The following REEP3 variants were observed in gnomAD, a reference collection of about 807,000 sequenced individuals.
REEP3 encodes the protein receptor accessory protein 3.
In REEP3, 20 loss-of-function variants were observed where a neutral mutation model predicts 41.3. That is an observed-to-expected ratio of 0.48 (90% CI 0.34 to 0.70). REEP3 has a LOEUF of 0.70. Ranked by LOEUF, REEP3 falls within the 30% of genes least tolerant of loss-of-function variation. The pLI is 0.01. For missense variants in REEP3, 271 were observed against 308.8 expected (o/e 0.88, Z 0.92); for synonymous variants, 104 against 101.8 (o/e 1.02, Z -0.13).
At position 63,525,962 on chromosome 10, in the gene REEP3, T is replaced by C. The variant is rs762052555; in HGVS notation, c.32+4385T>C. ...CCCCATGGGATTAAATACATTACTA[T>C]ATGTAATGTCCATAGTCCAGCATCT... is the stretch of plus-strand genomic sequence containing the variant. On this transcript the variant is annotated intron_variant, in intron 1 of 7. Coordinates refer to ENST00000373758, the MANE Select transcript of REEP3 (RefSeq NM_001001330.3). 1.2e-4 allele frequency among the ~76,000 whole-genome samples: 18 copies of C among 152,342 alleles called. 1 individual carries two copies. The highest frequency in any genetic ancestry group is 4.3e-4 in the African/African-American group (18 of 41,574).
In REEP3 at chr10:63,618,237, C is replaced by CTTTTTTTTTT. The variant is rs60115766; in HGVS notation, c.566-1401_566-1392dup. On this transcript the variant is annotated intron_variant, in intron 6 of 7. Transcript: ENST00000373758. Reference sequence around the variant, plus strand: ...CTTCATGGGGATTTCTTTCCTTCTTCTTTTTTTTTTTTTTTTTTTTTTTTT... The same window carrying CTTTTTTTTTT: ...CTTCATGGGGATTTCTTTCCTTCTTCTTTTTTTTTTTTTTTTTTTTTTTTTTTTTTTTTTT... 4.5e-5 allele frequency among the ~76,000 whole-genome samples: 3 copies of CTTTTTTTTTT among 66,576 alleles called. 1 individual carries two copies. Among genetic ancestry groups the CTTTTTTTTTT allele is most frequent in the Non-Finnish European group, 8.8e-5 (3 of 34,244 alleles). The allele number at this position is 66,576 out of a possible 152,430, so 43.7% of individuals were successfully genotyped here. A position where few individuals can be genotyped will look rare whatever the true frequency, so the allele number is the denominator to read the frequency against.
chr10:63,587,493 C>T (rs1956018695), intron 2 of REEP3, among the ~76,000 whole-genome samples: 1 of 152,202 alleles, frequency 6.6e-6, no homozygotes, highest in Non-Finnish European at 1.5e-5. Context: ...TCTTATACTG[C>T]GGTAGGCTAA....
intron 5 of REEP3, among the ~76,000 whole-genome samples, chr10:63,604,925 C>T (rs1271557795): frequency 1.3e-5 from 2 of 152,128 alleles, no homozygotes; most frequent in Non-Finnish European, 2.9e-5. Flanking sequence ...CAGTGGTTCT[C>T]AACTAGAGGC....
At chr10:63,588,916 A>G (rs1956032117) in intron 2 of REEP3, among the ~76,000 whole-genome samples, 1 of 152,222 alleles carries the variant, frequency 6.6e-6, no homozygotes, top group Non-Finnish European at 1.5e-5. Context: ...AGGAAACAGC[A>G]TGCAAAAGGC....
intron 1 of REEP3, among the ~76,000 whole-genome samples, chr10:63,527,663 A>G (rs1955378667): frequency 6.6e-6 from 1 of 152,144 alleles, no homozygotes; most frequent in African/African-American, 2.4e-5. Flanking sequence ...CCTGGGCAAC[A>G]GAGTGAGACC....
chr10:63,622,810 G>C lies in REEP3; in HGVS notation c.*1941G>C. The C allele has an allele frequency of 6.7e-6, 1 of 150,168 alleles. No individual in the cohort carries two copies. Among genetic ancestry groups the C allele is most frequent in the East Asian group, 2.0e-4 (1 of 5,126 alleles). 9.3% of individuals were successfully genotyped at this position (150,168 alleles called of 1,614,324 possible). A position where few individuals can be genotyped will look rare whatever the true frequency, so the allele number is the denominator to read the frequency against. ...CAACCTCTGCCTCCCGGGTTCGAGC[G>C]ATTCTCCTGCCTCGGCCTCCCGAGT... On this transcript the variant is annotated 3_prime_UTR_variant, in exon 8 of 8. Coordinates refer to ENST00000373758, the MANE Select transcript of REEP3 (RefSeq NM_001001330.3).
intron 1 of REEP3, among the ~76,000 whole-genome samples, chr10:63,528,880 C>T (rs1370070740): frequency 6.6e-6 from 1 of 152,180 alleles, no homozygotes. Flanking sequence ...CCCAGCACTC[C>T]TGCTTTCCTT....
At chr10:63,620,718 G>A in intron 7 of REEP3, 95 bp from the exon 8 acceptor site, 3 of 725,776 alleles carry the variant, frequency 4.1e-6, no homozygotes, top group Middle Eastern at 4.1e-4. Flanking sequence ...ATATCAAAAA[G>A]GTAAAAAAAT....
At chr10:63,588,836 T>A (rs569501435) in intron 2 of REEP3, among the ~76,000 whole-genome samples, 1 of 152,300 alleles carries the variant, frequency 6.6e-6, no homozygotes, top group Non-Finnish European at 1.5e-5. Flanking sequence ...ATAGGAGATA[T>A]TCGAACACAG....
intron 5 of REEP3, chr10:63,606,198 C>G (rs185470859): frequency 2.0e-5 from 10 of 511,376 alleles, no homozygotes; most frequent in African/African-American, 1.6e-4. Context: ...AATGGTAATC[C>G]CGCCTTTCCT....
chr10:63,564,641 GCA>G lies in REEP3; in HGVS notation c.33-1696_33-1695del, dbSNP rs374703237. ...GTCTCAGAAAAAAAAAAAGAAATGCGCATTAAAATAGCTATAAGGTTATTGTT... is the reference window on the plus strand; with the variant it reads ...GTCTCAGAAAAAAAAAAAGAAATGCGTTAAAATAGCTATAAGGTTATTGTT... On this transcript the variant is annotated intron_variant, in intron 1 of 7. Coordinates refer to ENST00000373758, the MANE Select transcript of REEP3 (RefSeq NM_001001330.3). 8.3e-4 allele frequency among the ~76,000 whole-genome samples: 126 copies of G among 151,288 alleles called. 2 individuals carry two copies. The highest frequency in any genetic ancestry group is 2.8e-3 in the African/African-American group (116 of 41,344).
At chr10:63,561,645 G>A (rs1411986711) in intron 1 of REEP3, among the ~76,000 whole-genome samples, 2 of 152,256 alleles carry the variant, frequency 1.3e-5, no homozygotes, top group Non-Finnish European at 2.9e-5. Context: ...TGATCTGACA[G>A]TGGGCACAGA....
At chr10:63,527,904 C>T (rs1955381406) in intron 1 of REEP3, among the ~76,000 whole-genome samples, 1 of 151,906 alleles carries the variant, frequency 6.6e-6, no homozygotes. Flanking sequence ...CTCACTTTCT[C>T]CTTGAAGTAT....
chr10:63,624,066 T>C lies in REEP3; in HGVS notation c.*3197T>C, dbSNP rs1281789360. On this transcript the variant is annotated 3_prime_UTR_variant, in exon 8 of 8. Transcript: ENST00000373758. ...TGTTAAGAAATATATAATGATATCT[T>C]ACATTAAGCATGAGTCTAATTTGTA... 3 of 152,128 alleles carry C rather than the reference T, an allele frequency of 2.0e-5. No homozygotes were observed. Among genetic ancestry groups the C allele is most frequent in the African/African-American group, 7.2e-5 (3 of 41,448 alleles). 9.4% of individuals were successfully genotyped at this position (152,128 alleles called of 1,614,324 possible).
chr10:63,609,759 CTAAA>C (rs901116031), intron 5 of REEP3, among the ~76,000 whole-genome samples: 1 of 151,664 alleles, frequency 6.6e-6, no homozygotes, highest in Non-Finnish European at 1.5e-5. Context: ...GACTCTGTCT[CTAAA>C]TAAATAAATA....
rs144642602 is a variant in REEP3, at chr10:63,610,822, G to A, written c.565+488G>A. On this transcript the variant is annotated intron_variant, in intron 6 of 7. Coordinates refer to ENST00000373758, the MANE Select transcript of REEP3 (RefSeq NM_001001330.3). Reference sequence around the variant, plus strand: ...ACAGTGGCTCACACCGTTAATCCCAGCACTTTGGGAGGCCGAGGTGGGCGG... The same window carrying A: ...ACAGTGGCTCACACCGTTAATCCCAACACTTTGGGAGGCCGAGGTGGGCGG... Among the ~76,000 whole-genome samples the A allele has an allele frequency of 4.3e-3, 658 of 152,266 alleles. 5 individuals carry two copies. The highest frequency in any genetic ancestry group is 0.013 in the South Asian group (63 of 4,828).
chr10:63,620,671 C>T, intron 7 of REEP3, 142 bp from the exon 8 acceptor site: 1 of 496,754 alleles, frequency 2.0e-6, no homozygotes, highest in Non-Finnish European at 3.5e-6. Flanking sequence ...ATAAGTAGTG[C>T]TGTCTTATAT....
rs998438204 is a variant in REEP3, at chr10:63,624,435, T to C, written c.*3566T>C. On this transcript the variant is annotated 3_prime_UTR_variant, in exon 8 of 8. Coordinates refer to ENST00000373758, the MANE Select transcript of REEP3 (RefSeq NM_001001330.3). ...TCTAACACCTTTTAAATCTATGTAC[T>C]TTAATAGTTAAGAGAAAATAAGTTT... 6.6e-6 allele frequency: 1 copy of C among 152,130 alleles called. No homozygotes were observed. Among genetic ancestry groups the C allele is most frequent in the Non-Finnish European group, 1.5e-5 (1 of 67,966 alleles). The allele number at this position is 152,130 out of a possible 1,614,324, so 9.4% of individuals were successfully genotyped here.
At chr10:63,597,265 G>A (rs894816586) in intron 3 of REEP3, among the ~76,000 whole-genome samples, 2 of 152,044 alleles carry the variant, frequency 1.3e-5, no homozygotes, top group Non-Finnish European at 2.9e-5. Flanking sequence ...ATATTTTTTC[G>A]GAGTTCTGAA....
Sources: gnomAD v4.1 joint callset for allele counts (sites outside exome capture counted in the v4.1 genomes callset) on GRCh38, gnomAD v4.1.1 for gene constraint, MANE v1.5 for transcripts, NCBI Gene and HGNC (gene_info 2026-07-23, HGNC 2026-07-21) for gene names.